BLK: variants seen among roughly 807,000 people sequenced by gnomAD.
The protein encoded by BLK is BLK proto-oncogene, Src family tyrosine kinase.
BLK carries 64 observed loss-of-function variants against 61.8 expected under a neutral mutation model. That is an observed-to-expected ratio of 1.03 (90% CI 0.85 to 1.27). BLK has a LOEUF of 1.27. Among genes scored for constraint, BLK ranks in the 50% most tolerant of loss-of-function variants. The probability of loss-of-function intolerance (pLI) is 0.00; values close to 1 mark genes in which losing one functional copy is unlikely to be tolerated. For synonymous variants in BLK, 351 were observed against 272.0 expected (o/e 1.29, Z -2.86); for missense variants, 853 against 660.5 (o/e 1.29, Z -3.19).
chr8:11,555,394 C>A lies in BLK; in HGVS notation c.682C>A (p.Pro228Thr), dbSNP rs568112977. The A allele has an allele frequency of 3.1e-6, 5 of 1,614,160 alleles. No individual in the cohort carries two copies. The highest frequency in any genetic ancestry group is 1.3e-5 in the African/African-American group (1 of 75,048). ...CTGTGTGCGCCCGGCCCCGCAGAAT[C>A]CCTGGGCCCAGGATGAATGGGAGAT... ...LPCVRPAPQN[P>T]WAQDEWEIPR... Residue 228 changes from proline (P) to threonine (T), a missense_variant, in exon 8 of 13, where the codon CCC (proline) becomes ACC (threonine). Pro to Thr is a conservative substitution (Grantham distance 38, BLOSUM62 -1). Coordinates refer to ENST00000259089, the MANE Select transcript of BLK (RefSeq NM_001715.3).
At chr8:11,531,902 A>G (rs1351573669) in intron 1 of BLK, among the ~76,000 whole-genome samples, 5 of 152,200 alleles carry the variant, frequency 3.3e-5, no homozygotes, top group Non-Finnish European at 5.9e-5. Context: ...CCTGTTGCCC[A>G]GGCTGGAGTG....
intron 1 of BLK, among the ~76,000 whole-genome samples, chr8:11,534,099 G>A (rs1046246760): frequency 1.3e-5 from 2 of 152,222 alleles, no homozygotes; most frequent in African/African-American, 4.8e-5. Flanking sequence ...GCACTGCTGG[G>A]GCTGGGGTTG....
intron 1 of BLK, among the ~76,000 whole-genome samples, chr8:11,499,763 C>A (rs1029051331): frequency 6.6e-6 from 1 of 152,164 alleles, no homozygotes; most frequent in Non-Finnish European, 1.5e-5. Context: ...TGTGCTTGGA[C>A]TCCAGGACAC....
At chr8:11,560,502 ATG>A in intron 10 of BLK, 1 of 247,484 alleles carries the variant, frequency 4.0e-6, no homozygotes, top group South Asian at 5.1e-5. Context: ...TTGAAGTCGC[ATG>A]TCTGAAGAGG....
chr8:11,498,370 T>C (rs1798433480), intron 1 of BLK, among the ~76,000 whole-genome samples: 1 of 152,252 alleles, frequency 6.6e-6, no homozygotes, highest in Admixed American at 6.5e-5. Flanking sequence ...CCTGGTGCTC[T>C]GAGCTCCGTG....
chr8:11,499,110 A>G (rs1197243168), intron 1 of BLK, among the ~76,000 whole-genome samples: 1 of 152,234 alleles, frequency 6.6e-6, no homozygotes, highest in Middle Eastern at 3.2e-3. Flanking sequence ...ATCACAGACT[A>G]CATATATGAT....
At chr8:11,532,293 G>A (rs1015000794) in intron 1 of BLK, among the ~76,000 whole-genome samples, 2 of 151,498 alleles carry the variant, frequency 1.3e-5, no homozygotes, top group African/African-American at 4.9e-5. Flanking sequence ...CTGCCTCCCA[G>A]GCTCAAGCAA....
chr8:11,545,550 A>G (rs1800595006), intron 2 of BLK, among the ~76,000 whole-genome samples: 1 of 152,102 alleles, frequency 6.6e-6, no homozygotes. Flanking sequence ...CTCCATCTCA[A>G]AAAAAAATTG....
chr8:11,539,386 G>C lies in BLK; in HGVS notation c.-1-3838G>C, dbSNP rs540849024. On this transcript the variant is annotated intron_variant, in intron 1 of 12. Transcript: ENST00000259089. ...TTGTATGAGAGATTTATAGAGTGTA[G>C]ATTTATTCAACAAGTCTTCAATTGC... 3.9e-5 allele frequency among the ~76,000 whole-genome samples: 6 copies of C among 152,130 alleles called. 1 individual carries two copies. In the South Asian group the frequency reaches 1.0e-3, roughly 26 times the overall value.
intron 1 of BLK, among the ~76,000 whole-genome samples, chr8:11,514,483 G>T (rs148201039): frequency 9.6e-4 from 147 of 152,356 alleles, no homozygotes; most frequent in Non-Finnish European, 1.7e-3. Context: ...CCTTGTAAGA[G>T]CACAGTGGAG....
At chr8:11,548,151 G>A (rs1800731689) in intron 4 of BLK, 26 bp downstream of exon 4, 2 of 1,571,184 alleles carry the variant, frequency 1.3e-6, no homozygotes, top group Non-Finnish European at 1.7e-6. Flanking sequence ...ACCATCCCCT[G>A]TCCCTGCAGG....
At chr8:11,547,640 A>T (rs888337912) in intron 3 of BLK, among the ~76,000 whole-genome samples, 1 of 152,210 alleles carries the variant, frequency 6.6e-6, no homozygotes, top group African/African-American at 2.4e-5. Context: ...GAGGAAAAGG[A>T]TAAGAGGAGG....
At chr8:11,543,157 C>G in intron 1 of BLK, 67 bp from the exon 2 acceptor site, 1 of 1,609,732 alleles carries the variant, frequency 6.2e-7, no homozygotes, top group East Asian at 2.2e-5. Context: ...GGCCAGGGAT[C>G]CCCTCTGTGC....
chr8:11,564,090 G>A lies in BLK; in HGVS notation c.1500G>A (p.Gln500=), dbSNP rs781178190. 5 of 1,583,058 alleles carry A rather than the reference G, an allele frequency of 3.2e-6. No homozygotes were observed. The highest frequency in any genetic ancestry group is 1.7e-5 in the Admixed American group (1 of 57,240). ...ACTTCTACACGGCCACCGAGCGGCAGTACGAGCTGCAGCCCTAGCCGGCCG... is the reference window on the plus strand; with the variant it reads ...ACTTCTACACGGCCACCGAGCGGCAATACGAGCTGCAGCCCTAGCCGGCCG... The part of the protein sequence containing the change: ...LEDFYTATER[Q]YELQP The change falls in exon 13 of 13, where the codon CAG becomes CAA. Residue 500 remains glutamine, a synonymous_variant. Coordinates refer to ENST00000259089, the MANE Select transcript of BLK (RefSeq NM_001715.3).
chr8:11,554,981 A>T, intron 7 of BLK, 92 bp downstream of exon 7: 1 of 1,527,748 alleles, frequency 6.5e-7, no homozygotes, highest in Non-Finnish European at 8.8e-7. Flanking sequence ...CATTGGTGCC[A>T]CCTTGGGGGA....
intron 11 of BLK, among the ~76,000 whole-genome samples, chr8:11,562,488 T>C (rs975850948): frequency 3.3e-5 from 5 of 152,126 alleles, no homozygotes; most frequent in Non-Finnish European, 5.9e-5. Context: ...GCTGCAGCCA[T>C]TGAGGTGCTT....
At chr8:11,557,821 C>G (rs947643071) in intron 9 of BLK, 141 bp from the exon 10 acceptor site, 2 of 717,596 alleles carry the variant, frequency 2.8e-6, no homozygotes, top group Admixed American at 2.0e-5. Context: ...GTAGGTAGAT[C>G]CTTCCTGATG....
chr8:11,496,213 G>A (rs1367777295), intron 1 of BLK, among the ~76,000 whole-genome samples: 1 of 152,044 alleles, frequency 6.6e-6, no homozygotes, highest in Non-Finnish European at 1.5e-5. Flanking sequence ...GTGTCCAATG[G>A]GTTTTGTGGG....
intron 1 of BLK, among the ~76,000 whole-genome samples, chr8:11,534,106 G>T (rs896970686): frequency 6.6e-6 from 1 of 152,234 alleles, no homozygotes; most frequent in African/African-American, 2.4e-5. Context: ...TGGGGCTGGG[G>T]TTGGGAGTCT....
Sources: allele counts gnomAD v4.1 joint callset (sites outside exome capture counted in the v4.1 genomes callset), GRCh38; gene constraint gnomAD v4.1.1; transcripts MANE v1.5; gene names NCBI Gene and HGNC (gene_info 2026-07-23, HGNC 2026-07-21).